CDKN3: variants seen among roughly 807,000 people sequenced by gnomAD.
The protein encoded by CDKN3 is cyclin dependent kinase inhibitor 3.
Under a neutral mutation model 36.1 loss-of-function variants are expected in CDKN3, and 19 were observed. That is an observed-to-expected ratio of 0.53 (90% CI 0.37 to 0.77). CDKN3 has a LOEUF of 0.77. Among genes scored for constraint, CDKN3 ranks in the 30% least tolerant of loss-of-function variants. The probability of loss-of-function intolerance (pLI) is 0.00; values close to 1 mark genes in which losing one functional copy is unlikely to be tolerated. For missense variants in CDKN3, 188 were observed against 248.6 expected, an observed-to-expected ratio of 0.76 and a Z score of 1.64; for synonymous variants, 71 against 85.3, an observed-to-expected ratio of 0.83 and a Z score of 0.92.
intron 7 of CDKN3, chr14:54,418,245 C>G: frequency 1.4e-6 from 1 of 702,264 alleles, no homozygotes; most frequent in South Asian, 1.5e-5. Context: ...TTGCCCCAGT[C>G]CGTTTTGGGA....
At position 54,419,900 on chromosome 14, in the gene CDKN3, A is replaced by AT. The variant is rs530084503; in HGVS notation, c.553-83dup. The AT allele has an allele frequency of 1.0e-3, 693 of 687,276 alleles. 4 individuals carry two copies. Among genetic ancestry groups the AT allele is most frequent in the South Asian group, 5.3e-3 (277 of 51,862 alleles). 42.6% of individuals were successfully genotyped at this position (687,276 alleles called of 1,614,324 possible). ...AGATGTAGAATTGTGCTTAGCAAGT[A>AT]TTTTTTTTTATTCCTGATACCTGCT... On this transcript the variant is annotated intron_variant, in intron 7 of 7. Coordinates refer to ENST00000335183, the MANE Select transcript of CDKN3 (RefSeq NM_005192.4).
chr14:54,397,720 G>A (rs535247420), intron 1 of CDKN3, among the ~76,000 whole-genome samples: 137 of 152,348 alleles, frequency 9.0e-4, no homozygotes, highest in African/African-American at 3.2e-3. Flanking sequence ...TGCAGGCAAG[G>A]AGCTGAAGAT....
intron 1 of CDKN3, among the ~76,000 whole-genome samples, chr14:54,397,372 C>G (rs1428748453): frequency 6.6e-6 from 1 of 152,260 alleles, no homozygotes; most frequent in Non-Finnish European, 1.5e-5. Flanking sequence ...CAAAGAGGGC[C>G]GAGCCTCGTT....
chr14:54,409,701 C>T (rs930641785), intron 4 of CDKN3, among the ~76,000 whole-genome samples: 3 of 151,722 alleles, frequency 2.0e-5, no homozygotes, highest in Admixed American at 6.6e-5. Context: ...GGCATGATGG[C>T]GCGTGCTTGT....
At position 54,419,550 on chromosome 14, in the gene CDKN3, G is replaced by C. The variant is rs550954084; in HGVS notation, c.553-442G>C. Reference sequence around the variant, plus strand: ...ATGAAAATTATCCCTAGTGCATTATGTCATCACAAAAAAGCAGAAGACTAG... The same window carrying C: ...ATGAAAATTATCCCTAGTGCATTATCTCATCACAAAAAAGCAGAAGACTAG... On this transcript the variant is annotated intron_variant, in intron 7 of 7. Transcript: ENST00000335183. 7.9e-5 allele frequency among the ~76,000 whole-genome samples: 12 copies of C among 152,242 alleles called. No homozygotes were observed. In the South Asian group the frequency reaches 1.9e-3, roughly 24 times the overall value.
intron 3 of CDKN3, among the ~76,000 whole-genome samples, chr14:54,405,936 T>C (rs1264261608): frequency 2.0e-5 from 3 of 152,238 alleles, no homozygotes; most frequent in African/African-American, 2.4e-5. Flanking sequence ...ATAGCGTTGA[T>C]GGTCTTTGCA....
At chr14:54,397,866 C>G (rs959278170) in intron 1 of CDKN3, among the ~76,000 whole-genome samples, 7 of 152,196 alleles carry the variant, frequency 4.6e-5, no homozygotes, top group African/African-American at 1.4e-4. Context: ...GGTGGTGTCT[C>G]GCGCCTGTAA....
intron 5 of CDKN3, among the ~76,000 whole-genome samples, chr14:54,414,709 C>CT (rs35670197): frequency 0.022 from 2,250 of 102,104 alleles, 41 homozygotes; most frequent in African/African-American, 0.036. Flanking sequence ...CCGTGCCAGG[C>CT]TTTTTTTTTT....
rs1555361196 is a variant in CDKN3 at position 54,397,057 on chromosome 14, G to C, written c.-12G>C. 4 of 1,501,316 alleles carry C rather than the reference G, an allele frequency of 2.7e-6. No individual in the cohort carries two copies. The highest frequency in any genetic ancestry group is 2.7e-6 in the Non-Finnish European group (3 of 1,122,682). 93.0% of individuals were successfully genotyped at this position (1,501,316 alleles called of 1,614,324 possible). On this transcript the variant is annotated 5_prime_UTR_variant, in exon 1 of 8. Transcript: ENST00000335183. The stretch of plus-strand genomic sequence containing the variant: ...GGGAGGCGGCACTGGTCTCGACGTG[G>C]GGCGGCCAGCGATGAAGCCGGTGAG...
chr14:54,411,912 C>G, intron 5 of CDKN3: 1 of 602,490 alleles, frequency 1.7e-6, no homozygotes, highest in Non-Finnish European at 3.0e-6. Context: ...AGAGTAGGGA[C>G]AATAAATGAG....
chr14:54,403,343 T>C (rs376266641), intron 3 of CDKN3, among the ~76,000 whole-genome samples: 1 of 152,330 alleles, frequency 6.6e-6, no homozygotes, highest in East Asian at 1.9e-4. Flanking sequence ...ATGATTTGGC[T>C]CTCCGTTTGT....
intron 2 of CDKN3, among the ~76,000 whole-genome samples, chr14:54,400,765 G>A (rs950669247): frequency 6.6e-6 from 1 of 152,124 alleles, no homozygotes; most frequent in South Asian, 2.1e-4. Flanking sequence ...TCAAAGTCAG[G>A]TGGTATTTAG....
intron 2 of CDKN3, among the ~76,000 whole-genome samples, chr14:54,401,053 A>G (rs1007555742): frequency 6.6e-6 from 1 of 152,372 alleles, no homozygotes; most frequent in East Asian, 1.9e-4. Context: ...CAGGTAATAT[A>G]CCACAGGATA....
At chr14:54,406,073 A>T (rs2030145016) in intron 3 of CDKN3, among the ~76,000 whole-genome samples, 1 of 152,120 alleles carries the variant, frequency 6.6e-6, no homozygotes, top group African/African-American at 2.4e-5. Context: ...TCTGTAAAGG[A>T]TTTTATTTCT....
chr14:54,411,236 A>C (rs1306511821), intron 4 of CDKN3: 2 of 482,854 alleles, frequency 4.1e-6, no homozygotes, highest in Non-Finnish European at 7.3e-6. Flanking sequence ...ATTGCAAAAA[A>C]AAATTTTTTG....
intron 2 of CDKN3, among the ~76,000 whole-genome samples, chr14:54,401,055 C>T (rs2139966844): frequency 6.6e-6 from 1 of 152,196 alleles, no homozygotes; most frequent in Admixed American, 6.5e-5. Flanking sequence ...GGTAATATAC[C>T]ACAGGATAAC....
intron 3 of CDKN3, among the ~76,000 whole-genome samples, chr14:54,405,598 C>T (rs998531375): frequency 1.3e-5 from 2 of 152,096 alleles, no homozygotes; most frequent in Non-Finnish European, 2.9e-5. Flanking sequence ...ATGTAATCCC[C>T]TTCTTTTTCT....
At chr14:54,418,055 T>A (rs956087066) in intron 7 of CDKN3, 104 bp downstream of exon 7, 1 of 706,258 alleles carries the variant, frequency 1.4e-6, no homozygotes, top group Non-Finnish European at 2.5e-6. Context: ...AAAAGGGCAG[T>A]GAAATGAAAA....
At chr14:54,414,482 T>A (rs1404205247) in intron 5 of CDKN3, among the ~76,000 whole-genome samples, 1 of 151,124 alleles carries the variant, frequency 6.6e-6, no homozygotes, top group Non-Finnish European at 1.5e-5. Context: ...AAGATGAAAA[T>A]AGCAAAAGGT....
Sources: allele counts gnomAD v4.1 joint callset (sites outside exome capture counted in the v4.1 genomes callset), GRCh38; gene constraint gnomAD v4.1.1; transcripts MANE v1.5; gene names NCBI Gene and HGNC (gene_info 2026-07-23, HGNC 2026-07-21).